Variants in KCNIP1 observed in about 807,000 individuals in gnomAD.
KCNIP1 encodes A-type potassium channel modulatory protein KCNIP1.
KCNIP1 carries 18 observed loss-of-function variants against 33.0 expected under a neutral mutation model. That is an observed-to-expected ratio of 0.55 (90% confidence interval 0.38 to 0.81). The LOEUF is 0.81. Ranked by LOEUF, KCNIP1 falls within the 30% of genes least tolerant of loss-of-function variation. KCNIP1 has a pLI of 0.00. For missense variants in KCNIP1, 238 were observed against 271.6 expected (o/e 0.88, Z 0.87); for synonymous variants, 93 against 98.3 (o/e 0.95, Z 0.32).
intron 1 of KCNIP1, among the ~76,000 whole-genome samples, chr5:170,390,890 G>C (rs924586842): frequency 1.9e-4 from 29 of 152,222 alleles, no homozygotes; most frequent in African/African-American, 6.0e-4. Flanking sequence ...CCTGCTGAGC[G>C]AGCTCACCAC....
chr5:170,536,027 T>C (rs1755972093), intron 1 of KCNIP1, among the ~76,000 whole-genome samples: 1 of 152,240 alleles, frequency 6.6e-6, no homozygotes. Flanking sequence ...TCATAACCCT[T>C]TCTCCGCCAG....
intron 1 of KCNIP1, among the ~76,000 whole-genome samples, chr5:170,626,940 G>GA: frequency 6.6e-6 from 1 of 152,208 alleles, no homozygotes; most frequent in Non-Finnish European, 1.5e-5. Flanking sequence ...TGAGCTGAGA[G>GA]CAGGCACCTG....
chr5:170,667,088 C>T (rs1363027877), intron 1 of KCNIP1, among the ~76,000 whole-genome samples: 2 of 152,096 alleles, frequency 1.3e-5, no homozygotes, highest in Admixed American at 1.3e-4. Context: ...CCGAGGTGGG[C>T]GGATCACGAG....
chr5:170,572,465 G>C lies in KCNIP1; in HGVS notation c.61+67832G>C, dbSNP rs796846826. Reference sequence around the variant, plus strand: ...CTTGCGCTCACAGTGCTTTCTTGAAGCTTCAGCAAACCCCAGCGCCAAAGG... The same window carrying C: ...CTTGCGCTCACAGTGCTTTCTTGAACCTTCAGCAAACCCCAGCGCCAAAGG... On this transcript the variant is annotated intron_variant, in intron 1 of 7. Coordinates refer to ENST00000328939, the MANE Select transcript of KCNIP1 (RefSeq NM_014592.4). Among the ~76,000 whole-genome samples the C allele has an allele frequency of 1.3e-3, 194 of 152,286 alleles. 1 individual carries two copies. The highest frequency in any genetic ancestry group is 4.6e-3 in the African/African-American group (192 of 41,550).
intron 1 of KCNIP1, among the ~76,000 whole-genome samples, chr5:170,567,509 A>G (rs1757244647): frequency 1.3e-5 from 2 of 152,212 alleles, no homozygotes; most frequent in South Asian, 2.1e-4. Flanking sequence ...GATCAGGCAA[A>G]GAGAAGTCCA....
chr5:170,390,959 A>G (rs1271162632), intron 1 of KCNIP1, among the ~76,000 whole-genome samples: 1 of 152,026 alleles, frequency 6.6e-6, no homozygotes, highest in Non-Finnish European at 1.5e-5. Flanking sequence ...GGCCTCCCTG[A>G]CACACTCTCA....
chr5:170,445,795 AG>A (rs1384783730), intron 1 of KCNIP1, among the ~76,000 whole-genome samples: 3 of 152,226 alleles, frequency 2.0e-5, no homozygotes, highest in African/African-American at 7.2e-5. Flanking sequence ...CAGGGCCTAA[AG>A]CCAGGCCATA....
intron 1 of KCNIP1, among the ~76,000 whole-genome samples, chr5:170,510,334 C>A (rs1754884715): frequency 6.6e-6 from 1 of 152,226 alleles, no homozygotes; most frequent in Admixed American, 6.5e-5. Flanking sequence ...AGGCCTGACA[C>A]TGCATCCAGG....
At chr5:170,697,055 C>T (rs1762922719) in intron 1 of KCNIP1, among the ~76,000 whole-genome samples, 1 of 151,924 alleles carries the variant, frequency 6.6e-6, no homozygotes, top group African/African-American at 2.4e-5. Flanking sequence ...CCATCTCCTC[C>T]TCCTCCTCCT....
At chr5:170,735,241 C>T (rs1307360793) in intron 7 of KCNIP1, among the ~76,000 whole-genome samples, 3 of 151,866 alleles carry the variant, frequency 2.0e-5, no homozygotes, top group African/African-American at 7.3e-5. Context: ...TCTATTATTT[C>T]TTCTCTGAGG....
chr5:170,486,991 G>A (rs1298949497), intron 1 of KCNIP1, among the ~76,000 whole-genome samples: 1 of 152,144 alleles, frequency 6.6e-6, no homozygotes, highest in African/African-American at 2.4e-5. Flanking sequence ...GGATGTGTGT[G>A]TATATATATT....
intron 1 of KCNIP1, among the ~76,000 whole-genome samples, chr5:170,473,961 A>G (rs1287858611): frequency 6.6e-6 from 1 of 152,030 alleles, no homozygotes; most frequent in African/African-American, 2.4e-5. Flanking sequence ...AAATAATTAG[A>G]CTGCGTTGGG....
At chr5:170,494,351 A>G (rs1757269257) in intron 1 of KCNIP1, among the ~76,000 whole-genome samples, 1 of 152,174 alleles carries the variant, frequency 6.6e-6, no homozygotes, top group Admixed American at 6.5e-5. Context: ...CCAATGCAAG[A>G]AGGAGCAACA....
chr5:170,468,006 T>C lies in KCNIP1; in HGVS notation c.88+114042T>C, dbSNP rs1278677377. ...CTATTAAGATATTTGTGCTTTGAAA[T>C]AAGCTATGTTTACACACTTGTAATG... is the stretch of plus-strand genomic sequence containing the variant. On this transcript the variant is annotated intron_variant, in intron 1 of 7. Transcript: ENST00000377360. Among the ~76,000 whole-genome samples the C allele has an allele frequency of 4.6e-5, 7 of 150,940 alleles. No homozygotes were observed. In the Admixed American group the frequency reaches 4.6e-4, roughly 10 times the overall value.
intron 1 of KCNIP1, among the ~76,000 whole-genome samples, chr5:170,473,255 T>C (rs1756777347): frequency 6.6e-6 from 1 of 152,228 alleles, no homozygotes; most frequent in African/African-American, 2.4e-5. Context: ...ATAATTGACA[T>C]TTATTAAGTG....
At chr5:170,367,353 G>T (rs868357268) in intron 1 of KCNIP1, among the ~76,000 whole-genome samples, 1 of 40,956 alleles carries the variant, frequency 2.4e-5, no homozygotes. Context: ...GAAAGAAAAA[G>T]AAAGAAAGAA....
chr5:170,437,820 C>A (rs1561625726), intron 1 of KCNIP1, among the ~76,000 whole-genome samples: 1 of 152,238 alleles, frequency 6.6e-6, no homozygotes, highest in Non-Finnish European at 1.5e-5. Flanking sequence ...CAGGTTTCCC[C>A]TACCTCTGGG....
At chr5:170,541,838 C>G (rs1200861991) in intron 1 of KCNIP1, among the ~76,000 whole-genome samples, 1 of 152,204 alleles carries the variant, frequency 6.6e-6, no homozygotes, top group African/African-American at 2.4e-5. Flanking sequence ...ATTTGCACAT[C>G]TACAAAAATG....
At chr5:170,479,912 A>G (rs35961900) in intron 1 of KCNIP1, among the ~76,000 whole-genome samples, 25,753 of 152,244 alleles carry the variant, frequency 0.17, 2,389 homozygotes, top group Non-Finnish European at 0.2. Context: ...CTTATTAAAA[A>G]TTGAAACAAT....
Sources: allele counts gnomAD v4.1 joint callset (sites outside exome capture counted in the v4.1 genomes callset), GRCh38; gene constraint gnomAD v4.1.1; transcripts MANE v1.5; gene names NCBI Gene and HGNC (gene_info 2026-07-23, HGNC 2026-07-21).